The following GPR157 variants were observed in gnomAD, a reference collection of about 807,000 sequenced individuals.
GPR157 encodes the protein G-protein coupled receptor 157.
A neutral mutation model predicts 23.5 loss-of-function variants in GPR157; 16 were observed. The ratio of observed to expected loss-of-function variants is 0.68; its 90% confidence interval spans 0.46 to 1.04. The LOEUF (loss-of-function observed/expected upper bound fraction) is 1.04, where lower values mean the gene tolerates loss of function less well. Ranked by LOEUF, GPR157 falls within the 50% of genes least tolerant of loss-of-function variation. The probability of loss-of-function intolerance (pLI) is 0.00; values close to 1 mark genes in which losing one functional copy is unlikely to be tolerated. For synonymous variants in GPR157, 200 were observed against 221.5 expected, an observed-to-expected ratio of 0.90 and a Z score of 0.86; for missense variants, 440 against 460.7, an observed-to-expected ratio of 0.96 and a Z score of 0.41.
rs199973020 is a variant in GPR157 at position 9,105,034 on chromosome 1, AACACACACAC to A, written c.793-410_793-401del. Among the ~76,000 whole-genome samples the A allele has an allele frequency of 2.7e-3, 315 of 117,040 alleles. No individual in the cohort carries two copies. Among genetic ancestry groups the A allele is most frequent in the African/African-American group, 9.9e-3 (297 of 29,866 alleles). 76.8% of individuals were successfully genotyped at this position (117,040 alleles called of 152,430 possible). On this transcript the variant is annotated intron_variant, in intron 3 of 3. Coordinates refer to ENST00000377411, the MANE Select transcript of GPR157 (RefSeq NM_024980.5). The surrounding 1 kb of genome is among the most constrained non-coding windows in gnomAD (Gnocchi z 4.8). Reference sequence around the variant, plus strand: ...CCCCAAAAAAGAGAAATGGCTGAGAAACACACACACACACACACACACACACACACACACA... The same window carrying A: ...CCCCAAAAAAGAGAAATGGCTGAGAAACACACACACACACACACACACACA...
chr1:9,126,908 T>A (rs547925738), intron 1 of GPR157, among the ~76,000 whole-genome samples: 1 of 152,222 alleles, frequency 6.6e-6, no homozygotes, highest in African/African-American at 2.4e-5. Flanking sequence ...TTTTAAAAAT[T>A]TTTTTCTTTT....
At chr1:9,107,345 G>A (rs1272371059) in intron 2 of GPR157, among the ~76,000 whole-genome samples, 6 of 152,186 alleles carry the variant, frequency 3.9e-5, no homozygotes, top group East Asian at 1.9e-4. Context: ...TGATGAACAC[G>A]TGATTTTTTT....
chr1:9,111,969 C>CA (rs1006413183), intron 1 of GPR157, among the ~76,000 whole-genome samples: 1 of 151,630 alleles, frequency 6.6e-6, no homozygotes, highest in African/African-American at 2.4e-5. Context: ...GACTCCATCT[C>CA]AAAAAAAGAA....
rs1378828650 is a variant in GPR157, at chr1:9,118,466, A to G, written c.384-6977T>C. ...GACAGCCACCTCGTGTGTAACTCTG[A>G]TTGGCAGGGGCACCACAAGCTTCTC... On this transcript the variant is annotated intron_variant, in intron 1 of 3. Transcript: ENST00000377411. The surrounding 1 kb of genome is among the most constrained non-coding windows in gnomAD (Gnocchi z 4.6). 6.6e-6 allele frequency among the ~76,000 whole-genome samples: 1 copy of G among 152,076 alleles called. No homozygotes were observed. Among genetic ancestry groups the G allele is most frequent in the Non-Finnish European group, 1.5e-5 (1 of 67,994 alleles).
At chr1:9,126,028 G>A (rs946121758) in intron 1 of GPR157, among the ~76,000 whole-genome samples, 1 of 150,332 alleles carries the variant, frequency 6.7e-6, no homozygotes, top group Admixed American at 6.7e-5. Flanking sequence ...GCAGTGGCGC[G>A]ATCGTGGCTC....
In GPR157 at chr1:9,113,810, G is replaced by A. The variant is rs141327969; in HGVS notation, c.384-2321C>T. Among the ~76,000 whole-genome samples, 478 of 151,072 alleles carry A rather than the reference G, an allele frequency of 3.2e-3. 13 individuals are homozygous for A. Among genetic ancestry groups the A allele is most frequent in the Admixed American group, 0.023 (349 of 15,142 alleles). ...AGTACAAAAATTGGTGGGCGTGGTG[G>A]TGCATGCCTGTAATCCCAGCTACTT... On this transcript the variant is annotated intron_variant, in intron 1 of 3. Transcript: ENST00000377411.
chr1:9,102,608 A>G lies in GPR157; in HGVS notation c.*1811T>C, dbSNP rs1450549137. On this transcript the variant is annotated 3_prime_UTR_variant, in exon 4 of 4. Transcript: ENST00000377411. ...AGAACCATTTTACTAGGCTCAGAAA[A>G]TCATGCTTTGTCGAGTTCTGATGGA... 1.3e-5 allele frequency: 2 copies of G among 152,076 alleles called. No individual in the cohort carries two copies. The highest frequency in any genetic ancestry group is 1.9e-4 in the East Asian group (1 of 5,188). 9.4% of individuals were successfully genotyped at this position (152,076 alleles called of 1,614,324 possible).
intron 1 of GPR157, among the ~76,000 whole-genome samples, chr1:9,113,997 A>ACC (rs1356933274): frequency 6.9e-6 from 1 of 144,554 alleles, no homozygotes; most frequent in African/African-American, 2.6e-5. Context: ...ACACACACAC[A>ACC]CACCACCCAT....
chr1:9,121,598 C>G (rs548613423), intron 1 of GPR157, among the ~76,000 whole-genome samples: 1 of 152,286 alleles, frequency 6.6e-6, no homozygotes, highest in South Asian at 2.1e-4. Flanking sequence ...CGAGATTGCG[C>G]CACTTCACTC....
intron 1 of GPR157, among the ~76,000 whole-genome samples, chr1:9,113,136 C>T (rs1557696537): frequency 6.6e-6 from 1 of 152,024 alleles, no homozygotes; most frequent in Non-Finnish European, 1.5e-5. Flanking sequence ...TTGCTGCTGT[C>T]GTGACTGTTG....
intron 1 of GPR157, among the ~76,000 whole-genome samples, chr1:9,113,963 AC>A (rs1638573858): frequency 7.4e-6 from 1 of 135,494 alleles, no homozygotes; most frequent in Non-Finnish European, 1.5e-5. Flanking sequence ...CCAAACACAC[AC>A]ACACACACAC....
At position 9,100,946 on chromosome 1, in the gene GPR157, C is replaced by T; in HGVS notation, c.*3473G>A. 1 of 152,320 alleles carries T rather than the reference C, an allele frequency of 6.6e-6. No homozygotes were observed. 9.4% of individuals were successfully genotyped at this position (152,320 alleles called of 1,614,324 possible). A position where few individuals can be genotyped will look rare whatever the true frequency, so the allele number is the denominator to read the frequency against. Reference sequence around the variant, plus strand: ...CCTGGGAGGTGGAGGCTGCAGTGAGCCATGATTGCATCACTGCACTCCAGA... The same window carrying T: ...CCTGGGAGGTGGAGGCTGCAGTGAGTCATGATTGCATCACTGCACTCCAGA... On this transcript the variant is annotated 3_prime_UTR_variant, in exon 4 of 4. Coordinates refer to ENST00000377411, the MANE Select transcript of GPR157 (RefSeq NM_024980.5).
intron 1 of GPR157, among the ~76,000 whole-genome samples, chr1:9,117,537 A>G (rs944647420): frequency 3.3e-5 from 5 of 152,232 alleles, no homozygotes; most frequent in African/African-American, 1.2e-4. Flanking sequence ...AGGTGGGCAG[A>G]TCACCTGAAG....
Position 9,118,936 on chromosome 1 carries a change from G to A in GPR157, c.384-7447C>T, listed in dbSNP as rs1312953817. On this transcript the variant is annotated intron_variant, in intron 1 of 3. Transcript: ENST00000377411. This position sits in a 1 kb window ranked among gnomAD's most constrained non-coding sequence, Gnocchi z 4.6. ...TGAAGTCCCAGCTACCCAGGAGGCT[G>A]AGGCGGGAGAACCGCTTGAACCCAG... 6.6e-6 allele frequency among the ~76,000 whole-genome samples: 1 copy of A among 152,116 alleles called. No individual in the cohort carries two copies. Among genetic ancestry groups the A allele is most frequent in the Non-Finnish European group, 1.5e-5 (1 of 68,024 alleles).
Position 9,100,736 on chromosome 1 carries a change from A to C in GPR157, c.*3683T>G, listed in dbSNP as rs1642556875. The stretch of plus-strand genomic sequence containing the variant: ...TAACCACACTAACAGAGGAGAAAGA[A>C]GCCCACTGGGGCTGTGCAAAGTGTC... On this transcript the variant is annotated 3_prime_UTR_variant, in exon 4 of 4. Transcript: ENST00000377411. 6.6e-6 allele frequency: 1 copy of C among 152,280 alleles called. No homozygotes were observed. 9.4% of individuals were successfully genotyped at this position (152,280 alleles called of 1,614,324 possible).
chr1:9,125,396 A>G (rs1272900725), intron 1 of GPR157, among the ~76,000 whole-genome samples: 1 of 151,906 alleles, frequency 6.6e-6, no homozygotes, highest in Non-Finnish European at 1.5e-5. Flanking sequence ...GTTATTGGTG[A>G]TTAGTGAGCT....
intron 1 of GPR157, among the ~76,000 whole-genome samples, chr1:9,114,481 C>T (rs1638591165): frequency 6.6e-6 from 1 of 152,088 alleles, no homozygotes; most frequent in African/African-American, 2.4e-5. Flanking sequence ...AGTCCCCCTG[C>T]AGGAGGCTGG....
rs990166622 is a variant in GPR157, at chr1:9,105,011, C to CA, written c.793-378_793-377insT. Among the ~76,000 whole-genome samples the CA allele has an allele frequency of 4.9e-5, 7 of 142,930 alleles. No individual in the cohort carries two copies. Among genetic ancestry groups the CA allele is most frequent in the African/African-American group, 5.2e-5 (2 of 38,428 alleles). 93.8% of individuals were successfully genotyped at this position (142,930 alleles called of 152,430 possible). ...CCAGACTCTGTCCCCGCACCCCCCC[C>CA]CAAAAAAGAGAAATGGCTGAGAAAC... is the stretch of plus-strand genomic sequence containing the variant. On this transcript the variant is annotated intron_variant, in intron 3 of 3. Transcript: ENST00000377411. This position sits in a 1 kb window ranked among gnomAD's most constrained non-coding sequence, Gnocchi z 4.8.
chr1:9,109,174 C>G (rs1466704883), intron 2 of GPR157, among the ~76,000 whole-genome samples: 1 of 150,454 alleles, frequency 6.6e-6, no homozygotes, highest in Non-Finnish European at 1.5e-5. Flanking sequence ...CCTCTGCCTC[C>G]TGGGTTCAAG....
Sources: gnomAD v4.1 joint callset for allele counts (sites outside exome capture counted in the v4.1 genomes callset) on GRCh38, gnomAD v4.1.1 for gene constraint, Gnocchi (gnomAD v3.1) non-coding constraint, MANE v1.5 for transcripts, NCBI Gene and HGNC (gene_info 2026-07-23, HGNC 2026-07-21) for gene names.